The following FOXK1 variants were observed in gnomAD, a reference collection of about 807,000 sequenced individuals.
FOXK1 encodes forkhead box protein K1.
FOXK1 carries 19 observed loss-of-function variants against 51.9 expected under a neutral mutation model. The ratio of observed to expected loss-of-function variants is 0.37; its 90% CI spans 0.26 to 0.54. The LOEUF (loss-of-function observed/expected upper bound fraction) is 0.54, where lower values mean the gene tolerates loss of function less well. Ranked by LOEUF, FOXK1 falls within the 20% of genes least tolerant of loss-of-function variation. The probability of loss-of-function intolerance (pLI) is 0.87; values close to 1 mark genes in which losing one functional copy is unlikely to be tolerated. For synonymous variants in FOXK1, 537 were observed against 482.6 expected (o/e 1.11, Z -1.48); for missense variants, 870 against 1,032.7 (o/e 0.84, Z 2.16).
At chr7:4,717,110 C>T (rs1272213986) in intron 1 of FOXK1, among the ~76,000 whole-genome samples, 2 of 119,660 alleles carry the variant, frequency 1.7e-5, no homozygotes, top group Non-Finnish European at 1.7e-5. Flanking sequence ...TTGAGAGGTG[C>T]GTGGCTGGGA....
chr7:4,687,399 T>TC (rs1779834826), intron 1 of FOXK1, among the ~76,000 whole-genome samples: 1 of 151,812 alleles, frequency 6.6e-6, no homozygotes, highest in African/African-American at 2.4e-5. Context: ...TTCAAGCGAT[T>TC]CTCCTGCCTC....
At position 4,682,968 on chromosome 7, in the gene FOXK1, C is replaced by T. The variant is rs1583176301; in HGVS notation, c.560+100C>T. The T allele has an allele frequency of 2.4e-6, 3 of 1,242,892 alleles. No individual in the cohort carries two copies. The highest frequency in any genetic ancestry group is 3.1e-5 in the Admixed American group (1 of 31,824). The allele number at this position is 1,242,892 out of a possible 1,614,324, so 77.0% of individuals were successfully genotyped here. ...GGGATCCCCCTCCAGCTTCCTCGGC[C>T]TCGACCCCCACCCCCCGGCCCACCC... On this transcript the variant is annotated intron_variant, in intron 1 of 8. Coordinates refer to ENST00000328914, the MANE Select transcript of FOXK1 (RefSeq NM_001037165.2). This position sits in a 1 kb window ranked among gnomAD's most constrained non-coding sequence, Gnocchi z 7.6.
chr7:4,744,247 G>C (rs1780672544), intron 2 of FOXK1, among the ~76,000 whole-genome samples: 1 of 152,184 alleles, frequency 6.6e-6, no homozygotes, highest in South Asian at 2.1e-4. Flanking sequence ...TTACGGCAGG[G>C]AAAATACTGT....
intron 1 of FOXK1, among the ~76,000 whole-genome samples, chr7:4,726,701 C>G (rs1017976963): frequency 6.6e-6 from 1 of 152,034 alleles, no homozygotes; most frequent in South Asian, 2.1e-4. Flanking sequence ...CCTGCCATGT[C>G]GCTCTTGTTT....
intron 1 of FOXK1, among the ~76,000 whole-genome samples, chr7:4,684,661 C>T (rs1436579069): frequency 6.6e-6 from 1 of 152,114 alleles, no homozygotes; most frequent in African/African-American, 2.4e-5. Flanking sequence ...CAGGTAGGCT[C>T]CCCAGGCCCC....
In FOXK1 at chr7:4,766,571, T is replaced by C. The variant is rs1365326402; in HGVS notation, c.*4107T>C. The C allele has an allele frequency of 6.6e-6, 1 of 152,262 alleles. No individual in the cohort carries two copies. The highest frequency in any genetic ancestry group is 1.5e-5 in the Non-Finnish European group (1 of 68,072). The allele number at this position is 152,262 out of a possible 1,614,324, so 9.4% of individuals were successfully genotyped here. A position where few individuals can be genotyped will look rare whatever the true frequency, so the allele number is the denominator to read the frequency against. ...GGGAATGAATTTCTGAGTTGCTGAG[T>C]GTTCCCTGCTCCTAGGTACCACGCT... On this transcript the variant is annotated 3_prime_UTR_variant, in exon 9 of 9. Transcript: ENST00000328914. This position sits in a 1 kb window ranked among gnomAD's most constrained non-coding sequence, Gnocchi z 5.5.
Position 4,755,343 on chromosome 7 carries a change from A to G in FOXK1, c.1010A>G (p.Lys337Arg). 1 of 1,613,764 alleles carries G rather than the reference A, an allele frequency of 6.2e-7. No homozygotes were observed. Among genetic ancestry groups the G allele is most frequent in the Non-Finnish European group, 8.5e-7 (1 of 1,180,030 alleles). The stretch of plus-strand genomic sequence containing the variant: ...AGCGGGATCTACGCCCACATCACCA[A>G]GCATTACCCCTACTACCGGACGGCC... Reference protein sequence around the residue: ...TLSGIYAHITKHYPYYRTADK... With the variant: ...TLSGIYAHITRHYPYYRTADK... The change falls in exon 4 of 9, where the codon AAG (lysine) becomes AGG (arginine). Residue 337 changes from lysine (K) to arginine (R), a missense_variant. Physicochemically the swap from Lys to Arg is conservative, Grantham distance 26. Coordinates refer to ENST00000328914, the MANE Select transcript of FOXK1 (RefSeq NM_001037165.2). The surrounding 1 kb of genome is among the most constrained non-coding windows in gnomAD (Gnocchi z 6.6).
intron 2 of FOXK1, among the ~76,000 whole-genome samples, chr7:4,751,124 C>T (rs1170235077): frequency 6.6e-6 from 1 of 151,422 alleles, no homozygotes; most frequent in Non-Finnish European, 1.5e-5. Flanking sequence ...ATGCCATTCT[C>T]CTGCCTCAGC....
chr7:4,716,940 C>T (rs888314119), intron 1 of FOXK1, among the ~76,000 whole-genome samples: 8 of 151,982 alleles, frequency 5.3e-5, no homozygotes, highest in Admixed American at 1.3e-4. Context: ...GCAAGTTGTA[C>T]GTGGTGGGAG....
At chr7:4,706,034 G>A (rs551931831) in intron 1 of FOXK1, among the ~76,000 whole-genome samples, 5 of 95,418 alleles carry the variant, frequency 5.2e-5, no homozygotes, top group African/African-American at 4.1e-4. Flanking sequence ...GTGTATATAC[G>A]TGTATATACG....
At position 4,733,506 on chromosome 7, in the gene FOXK1, CAT is replaced by C. The variant is rs773013898; in HGVS notation, c.561-7328_561-7327del. Among the ~76,000 whole-genome samples the C allele has an allele frequency of 1.8e-4, 28 of 152,204 alleles. No individual in the cohort carries two copies. The highest frequency in any genetic ancestry group is 3.4e-4 in the Non-Finnish European group (23 of 68,042). On this transcript the variant is annotated intron_variant, in intron 1 of 8. Coordinates refer to ENST00000328914, the MANE Select transcript of FOXK1 (RefSeq NM_001037165.2). This position sits in a 1 kb window ranked among gnomAD's most constrained non-coding sequence, Gnocchi z 5.0. ...GGAGTGAAGAAGGCCCTTGGTTCCT[CAT>C]ATAGACATGACCCATTTGTATCCCA...
chr7:4,706,351 C>T (rs993926063), intron 1 of FOXK1, among the ~76,000 whole-genome samples: 2 of 151,650 alleles, frequency 1.3e-5, no homozygotes, highest in Non-Finnish European at 1.5e-5. Context: ...GGGTAAAGTG[C>T]TCTGGCACCC....
In FOXK1 at chr7:4,753,619, C is replaced by G. The variant is rs908017914; in HGVS notation, c.747-840C>G. 6.6e-6 allele frequency among the ~76,000 whole-genome samples: 1 copy of G among 152,336 alleles called. No individual in the cohort carries two copies. Among genetic ancestry groups the G allele is most frequent in the Non-Finnish European group, 1.5e-5 (1 of 68,038 alleles). On this transcript the variant is annotated intron_variant, in intron 2 of 8. Transcript: ENST00000328914. This position sits in a 1 kb window ranked among gnomAD's most constrained non-coding sequence, Gnocchi z 4.9. ...TTTCTCTCGGGAGGTTCTGCACCCA[C>G]TCTTCGTGTCTTCATTGGCTTTCTC...
At chr7:4,711,000 C>T (rs962347988) in intron 1 of FOXK1, among the ~76,000 whole-genome samples, 2 of 152,194 alleles carry the variant, frequency 1.3e-5, no homozygotes, top group Non-Finnish European at 2.9e-5. Flanking sequence ...AGCCCCATCA[C>T]GGTGCCTGAG....
Position 4,759,380 on chromosome 7 carries a change from C to G in FOXK1, c.1481C>G (p.Pro494Arg), listed in dbSNP as rs1216827363. The G allele has an allele frequency of 6.2e-7, 1 of 1,602,564 alleles. No homozygotes were observed. Among genetic ancestry groups the G allele is most frequent in the Non-Finnish European group, 8.5e-7 (1 of 1,179,226 alleles). Residue 494 changes from proline (P) to arginine (R), a missense_variant, in exon 7 of 9, where the codon CCC becomes CGC. Pro to Arg is a moderately radical substitution (Grantham distance 103). Transcript: ENST00000328914. ...PPRPSSLVAKPVAYMPASIVT... is the reference protein window; with the variant it reads ...PPRPSSLVAKRVAYMPASIVT... ...CGACCGTCCAGCCTCGTGGCCAAGC[C>G]CGTGGCCTACATGCCCGCCTCCATC...
In FOXK1 at chr7:4,711,211, G is replaced by A. The variant is rs1323021912; in HGVS notation, c.560+28343G>A. Among the ~76,000 whole-genome samples, 4 of 152,316 alleles carry A rather than the reference G, an allele frequency of 2.6e-5. No homozygotes were observed. Among genetic ancestry groups the A allele is most frequent in the Admixed American group, 6.5e-5 (1 of 15,298 alleles). On this transcript the variant is annotated intron_variant, in intron 1 of 8. Transcript: ENST00000328914. The surrounding 1 kb of genome is among the most constrained non-coding windows in gnomAD (Gnocchi z 6.3). ...ATGTGCCCAGCTCTGTTCAGGAAGC[G>A]TTGTGCTGGTGTGCCCTCCTGGGTC...
chr7:4,723,999 C>G lies in FOXK1; in HGVS notation c.561-16839C>G, dbSNP rs1249826084. Among the ~76,000 whole-genome samples, 1 of 151,894 alleles carries G rather than the reference C, an allele frequency of 6.6e-6. No homozygotes were observed. Among genetic ancestry groups the G allele is most frequent in the Non-Finnish European group, 1.5e-5 (1 of 67,990 alleles). ...TCGATTTTTAAAACCTTAAATGACC[C>G]TGCATCTTCTGCTGCCTACTTTTTC... On this transcript the variant is annotated intron_variant, in intron 1 of 8. Coordinates refer to ENST00000328914, the MANE Select transcript of FOXK1 (RefSeq NM_001037165.2). This position sits in a 1 kb window ranked among gnomAD's most constrained non-coding sequence, Gnocchi z 4.7.
intron 1 of FOXK1, among the ~76,000 whole-genome samples, chr7:4,701,694 C>G (rs1412625697): frequency 6.6e-6 from 1 of 152,180 alleles, no homozygotes; most frequent in African/African-American, 2.4e-5. Context: ...GAGATCAAGA[C>G]CATCCTGGCT....
In FOXK1 at chr7:4,730,979, C is replaced by T. The variant is rs1780468939; in HGVS notation, c.561-9859C>T. Among the ~76,000 whole-genome samples, 1 of 151,914 alleles carries T rather than the reference C, an allele frequency of 6.6e-6. No individual in the cohort carries two copies. The highest frequency in any genetic ancestry group is 2.4e-5 in the African/African-American group (1 of 41,342). On this transcript the variant is annotated intron_variant, in intron 1 of 8. Transcript: ENST00000328914. This position sits in a 1 kb window ranked among gnomAD's most constrained non-coding sequence, Gnocchi z 4.7. The stretch of plus-strand genomic sequence containing the variant: ...GCCAGGAGTTGGAGACTAGCCTGGG[C>T]AACATAACAAGACCCTGTCTCTACA...
Sources: gnomAD v4.1 joint callset for allele counts (sites outside exome capture counted in the v4.1 genomes callset) on GRCh38, gnomAD v4.1.1 for gene constraint, Gnocchi (gnomAD v3.1) non-coding constraint, MANE v1.5 for transcripts, NCBI Gene and HGNC (gene_info 2026-07-23, HGNC 2026-07-21) for gene names.